The following CPQ variants were observed in gnomAD, a reference collection of about 807,000 sequenced individuals.
CPQ encodes the protein Ser-Met dipeptidase.
In CPQ, 37 loss-of-function variants were observed where a neutral mutation model predicts 45.7. The ratio of observed to expected loss-of-function variants is 0.81; its 90% CI spans 0.62 to 1.07. CPQ has a LOEUF of 1.07. Ranked by LOEUF, CPQ falls within the 50% of genes least tolerant of loss-of-function variation. The pLI is 0.00. For missense variants in CPQ, 537 were observed against 572.9 expected (o/e 0.94, Z 0.64); for synonymous variants, 186 against 205.8 (o/e 0.90, Z 0.82).
chr8:97,043,215 G>T (rs1586510720), intron 6 of CPQ, among the ~76,000 whole-genome samples: 2 of 152,180 alleles, frequency 1.3e-5, no homozygotes, highest in East Asian at 3.9e-4. Flanking sequence ...TCTTCCTGTT[G>T]AATTGATCCC....
chr8:96,907,629 T>C (rs1812595740), intron 4 of CPQ, among the ~76,000 whole-genome samples: 1 of 152,088 alleles, frequency 6.6e-6, no homozygotes, highest in Non-Finnish European at 1.5e-5. Flanking sequence ...TGGCCAGAGC[T>C]ACTACTGTGC....
At chr8:96,867,641 C>T (rs1812012509) in intron 3 of CPQ, among the ~76,000 whole-genome samples, 2 of 151,736 alleles carry the variant, frequency 1.3e-5, no homozygotes, top group Non-Finnish European at 2.9e-5. Context: ...TTTACCTTTC[C>T]CCTATTTTTT....
chr8:96,666,128 C>G (rs150324269), intron 1 of CPQ, among the ~76,000 whole-genome samples: 1 of 152,154 alleles, frequency 6.6e-6, no homozygotes. Flanking sequence ...GAATGATTTT[C>G]GTGGGCTCTG....
At chr8:96,908,119 T>TGA (rs1443013701) in intron 4 of CPQ, among the ~76,000 whole-genome samples, 1 of 145,220 alleles carries the variant, frequency 6.9e-6, no homozygotes, top group Non-Finnish European at 1.5e-5. Flanking sequence ...TGTGTGTGTG[T>TGA]GTGTGTGTGT....
At chr8:96,647,975 C>G (rs1563691289) in intron 1 of CPQ, among the ~76,000 whole-genome samples, 2 of 152,178 alleles carry the variant, frequency 1.3e-5, no homozygotes, top group East Asian at 3.9e-4. Context: ...GCCTCCCAAC[C>G]TCTTTCTTTA....
chr8:96,654,822 A>G (rs1815620131), intron 1 of CPQ, among the ~76,000 whole-genome samples: 1 of 152,208 alleles, frequency 6.6e-6, no homozygotes, highest in Non-Finnish European at 1.5e-5. Context: ...TATAGATGAC[A>G]GTCCTGACCA....
chr8:96,953,775 G>GGCCACCACCTGAGTTTCCTGATTGTT (rs1383134995), intron 4 of CPQ, among the ~76,000 whole-genome samples: 9 of 151,994 alleles, frequency 5.9e-5, no homozygotes, highest in Non-Finnish European at 7.4e-5. Context: ...ATATGCTTGT[G>GGCCACCACCTGAGTTTCCTGATTGTT]GCCACCACCT....
chr8:97,040,213 T>A (rs528412708), intron 6 of CPQ, among the ~76,000 whole-genome samples: 181 of 152,186 alleles, frequency 1.2e-3, no homozygotes, highest in Non-Finnish European at 1.5e-3. Context: ...TGGTTTTGAT[T>A]TGCATTTCTC....
intron 2 of CPQ, among the ~76,000 whole-genome samples, chr8:96,794,304 T>C (rs1211484134): frequency 6.6e-6 from 1 of 152,288 alleles, no homozygotes; most frequent in African/African-American, 2.4e-5. Flanking sequence ...CTCAACATCA[T>C]GTGGAAGATG....
chr8:97,029,590 CA>C, intron 6 of CPQ, 96 bp downstream of exon 6: 1 of 1,142,796 alleles, frequency 8.8e-7, no homozygotes, highest in Non-Finnish European at 1.3e-6. Flanking sequence ...ACTTTCTGGT[CA>C]ACTGGCCCTA....
chr8:96,814,531 A>T (rs943148256), intron 2 of CPQ, among the ~76,000 whole-genome samples: 2 of 152,214 alleles, frequency 1.3e-5, no homozygotes, highest in African/African-American at 4.8e-5. Context: ...GAGCTAATAT[A>T]TGAAATATAC....
intron 3 of CPQ, among the ~76,000 whole-genome samples, chr8:96,867,988 G>C (rs973492732): frequency 6.6e-6 from 1 of 152,000 alleles, no homozygotes; most frequent in South Asian, 2.1e-4. Flanking sequence ...GTACATCTCA[G>C]TCCCTTGGAG....
At chr8:96,979,698 G>T (rs577930201) in intron 5 of CPQ, among the ~76,000 whole-genome samples, 1 of 152,230 alleles carries the variant, frequency 6.6e-6, no homozygotes, top group East Asian at 1.9e-4. Flanking sequence ...GAACGTAAGG[G>T]TTTAGTTAGT....
chr8:96,752,121 T>C (rs1810269967), intron 1 of CPQ, among the ~76,000 whole-genome samples: 1 of 152,220 alleles, frequency 6.6e-6, no homozygotes, highest in East Asian at 1.9e-4. Flanking sequence ...CTATTCAGCC[T>C]CTTTGTTCCA....
chr8:96,871,917 C>A (rs1464801541), intron 3 of CPQ, among the ~76,000 whole-genome samples: 1 of 151,666 alleles, frequency 6.6e-6, no homozygotes, highest in African/African-American at 2.4e-5. Flanking sequence ...ATTATTTTTT[C>A]TTTTTTTACG....
chr8:96,717,764 G>A (rs2130759664), intron 1 of CPQ, among the ~76,000 whole-genome samples: 1 of 152,272 alleles, frequency 6.6e-6, no homozygotes, highest in South Asian at 2.1e-4. Flanking sequence ...GCAAGTATGT[G>A]TTCTGGCTCT....
At chr8:96,648,556 T>C (rs920493233) in intron 1 of CPQ, among the ~76,000 whole-genome samples, 1 of 152,172 alleles carries the variant, frequency 6.6e-6, no homozygotes, top group African/African-American at 2.4e-5. Flanking sequence ...TCAGAAAATA[T>C]TAATTTCAAT....
chr8:96,730,405 G>A (rs1809894374), intron 1 of CPQ, among the ~76,000 whole-genome samples: 1 of 152,142 alleles, frequency 6.6e-6, no homozygotes, highest in Non-Finnish European at 1.5e-5. Context: ...GGAGTAGAGA[G>A]AACCCATATT....
At chr8:96,894,709 A>T (rs1812421297) in intron 4 of CPQ, among the ~76,000 whole-genome samples, 1 of 152,326 alleles carries the variant, frequency 6.6e-6, no homozygotes, top group East Asian at 1.9e-4. Context: ...AAATTTTTTT[A>T]AAGTACTGTA....
Sources: gnomAD v4.1 joint callset for allele counts (sites outside exome capture counted in the v4.1 genomes callset) on GRCh38, gnomAD v4.1.1 for gene constraint, MANE v1.5 for transcripts, NCBI Gene and HGNC (gene_info 2026-07-23, HGNC 2026-07-21) for gene names.